KIDINS220: variants seen among roughly 807,000 people sequenced by gnomAD.
The protein encoded by KIDINS220 is kinase D-interacting substrate of 220 kDa.
In KIDINS220, 63 loss-of-function variants were observed where a neutral mutation model predicts 157.6. The ratio of observed to expected loss-of-function variants is 0.40; its 90% CI spans 0.33 to 0.49. The LOEUF is 0.49. Among genes scored for constraint, KIDINS220 ranks in the 20% least tolerant of loss-of-function variants. The pLI, the probability that KIDINS220 is intolerant of heterozygous loss-of-function variation, is 0.66. For missense variants in KIDINS220, 1,772 were observed against 2,171.2 expected (o/e 0.82, Z 3.65); for synonymous variants, 732 against 783.6 (o/e 0.93, Z 1.10).
intron 17 of KIDINS220, among the ~76,000 whole-genome samples, chr2:8,784,340 C>G (rs1214982172): frequency 3.9e-5 from 6 of 152,100 alleles, no homozygotes; most frequent in Non-Finnish European, 8.8e-5. Flanking sequence ...AGGATAAAAT[C>G]TAGGTGACCG....
rs780529331 is a variant in KIDINS220 at position 8,788,635 on chromosome 2, G to A, written c.1787+12C>T. ...TCATTGAAGATTTCTTCTGTCAAATGGTACAACTCACCTCACAGGTAAAGC... is the reference window on the plus strand; with the variant it reads ...TCATTGAAGATTTCTTCTGTCAAATAGTACAACTCACCTCACAGGTAAAGC... On this transcript the variant is annotated intron_variant, in intron 15 of 29. Transcript: ENST00000256707. 6.3e-7 allele frequency: 1 copy of A among 1,599,648 alleles called. No individual in the cohort carries two copies. Among genetic ancestry groups the A allele is most frequent in the South Asian group, 1.1e-5 (1 of 88,130 alleles).
chr2:8,787,066 T>C lies in KIDINS220; in HGVS notation c.1788-709A>G, dbSNP rs368857581. On this transcript the variant is annotated intron_variant, in intron 15 of 29. Transcript: ENST00000256707. ...TCTCAGAATACAATCTGTAATATACTGTGTGGTCTTGACGATGCTACTTTA... is the reference window on the plus strand; with the variant it reads ...TCTCAGAATACAATCTGTAATATACCGTGTGGTCTTGACGATGCTACTTTA... Among the ~76,000 whole-genome samples, 72 of 152,182 alleles carry C rather than the reference T, an allele frequency of 4.7e-4. 2 individuals carry two copies. In the South Asian group the frequency reaches 0.015, roughly 31 times the overall value.
chr2:8,773,456 A>G (rs532421287), intron 21 of KIDINS220, among the ~76,000 whole-genome samples: 1 of 150,436 alleles, frequency 6.6e-6, no homozygotes, highest in Admixed American at 6.6e-5. Flanking sequence ...AAAGTGAACT[A>G]CCCAGGGGCT....
At chr2:8,791,285 C>G in intron 12 of KIDINS220, 61 bp from the exon 13 acceptor site, 1 of 1,400,940 alleles carries the variant, frequency 7.1e-7, no homozygotes. Flanking sequence ...GAAATGAACA[C>G]TATTTTCATT....
Position 8,730,634 on chromosome 2 carries a change from A to C in KIDINS220, c.*86T>G, listed in dbSNP as rs2147939694. ...TTAGTTATCTGTCAGCAAAATGTAG[A>C]AAGGTGATGGGCGTGGATGGAGTCA... On this transcript the variant is annotated 3_prime_UTR_variant, in exon 30 of 30. Coordinates refer to ENST00000256707, the MANE Select transcript of KIDINS220 (RefSeq NM_020738.4). 1 of 1,494,508 alleles carries C rather than the reference A, an allele frequency of 6.7e-7. No homozygotes were observed. The highest frequency in any genetic ancestry group is 1.8e-4 in the Middle Eastern group (1 of 5,618). 92.6% of individuals were successfully genotyped at this position (1,494,508 alleles called of 1,614,324 possible). A position where few individuals can be genotyped will look rare whatever the true frequency, so the allele number is the denominator to read the frequency against.
Position 8,779,109 on chromosome 2 carries a change from T to C in KIDINS220, c.2401A>G (p.Ile801Val), listed in dbSNP as rs1468255671. 3.7e-6 allele frequency: 6 copies of C among 1,613,810 alleles called. No individual in the cohort carries two copies. Among genetic ancestry groups the C allele is most frequent in the Non-Finnish European group, 4.2e-6 (5 of 1,180,016 alleles). The stretch of plus-strand genomic sequence containing the variant: ...TGTGGATCACTTGCAAAAATGGCAA[T>C]GAACGGGCCTTTTGAAAACAGAACT... ...VRVLFSKGPF[I>V]AIFASDPHII... The change falls in exon 19 of 30, where the codon ATT becomes GTT. Residue 801 changes from isoleucine (I) to valine (V), a missense_variant. By Grantham distance (29) the Ile-to-Val change is conservative. Around this residue, in one of 3 missense-constraint regions of KIDINS220, gnomAD observed 725 missense variants for 1,017.1 expected, o/e 0.71. Transcript: ENST00000256707.
Position 8,791,223 on chromosome 2 carries a change from T to C in KIDINS220, c.1278A>G (p.Arg426=), listed in dbSNP as rs200221760. ...KSILTQIFGA[R]HLSPTETDGD... ...CGTCTGTTTCAGTAGGAGACAAGTG[T>C]CCTGTAATTAAAACACATCATATCT... The change falls in exon 13 of 30, where the codon AGA becomes AGG. Residue 426 remains arginine (R), a splice_region_variant and synonymous_variant. Transcript: ENST00000256707. 16 of 1,612,334 alleles carry C rather than the reference T, an allele frequency of 9.9e-6. No individual in the cohort carries two copies. Among genetic ancestry groups the C allele is most frequent in the Middle Eastern group, 1.6e-4 (1 of 6,082 alleles).
rs759040006 is a variant in KIDINS220, at chr2:8,737,010, C to G, written c.3586-11G>C. ...GGCTGGGCCTGACCCCTAGAGAAGT[C>G]AAGGAAAAATACAGGTATGAATAAG... On this transcript the variant is annotated splice_polypyrimidine_tract_variant and intron_variant, in intron 26 of 29. Transcript: ENST00000256707. 6.2e-7 allele frequency: 1 copy of G among 1,611,950 alleles called. No homozygotes were observed. Among genetic ancestry groups the G allele is most frequent in the South Asian group, 1.1e-5 (1 of 90,804 alleles).
chr2:8,727,279 G>A (rs1663415925), downstream of KIDINS220: 2 of 1,062,712 alleles, frequency 1.9e-6, no homozygotes, highest in Non-Finnish European at 1.1e-6. Flanking sequence ...TGGAAGAGAA[G>A]GTGGGAATAA....
At chr2:8,801,963 G>C (rs1223363937) in intron 8 of KIDINS220, among the ~76,000 whole-genome samples, 1 of 152,192 alleles carries the variant, frequency 6.6e-6, no homozygotes, top group Non-Finnish European at 1.5e-5. Flanking sequence ...TTCCCGAGGA[G>C]GAAACCTTGA....
At chr2:8,817,200 T>C (rs1037345559) in intron 4 of KIDINS220, among the ~76,000 whole-genome samples, 2 of 152,234 alleles carry the variant, frequency 1.3e-5, no homozygotes, top group Non-Finnish European at 2.9e-5. Flanking sequence ...ATAGCATGTC[T>C]GAAAATAATC....
At chr2:8,728,567 G>T (rs762784841), downstream of KIDINS220, among the ~76,000 whole-genome samples, 21 of 152,110 alleles carry the variant, frequency 1.4e-4, no homozygotes, top group Non-Finnish European at 2.5e-4. Flanking sequence ...TGTCAATTTC[G>T]GTATCAGTAT....
chr2:8,806,061 C>T (rs188777695), intron 7 of KIDINS220, among the ~76,000 whole-genome samples: 184 of 152,200 alleles, frequency 1.2e-3, no homozygotes, highest in South Asian at 5.8e-3. Context: ...GTTGTGTGTG[C>T]ATTAGCAACA....
At chr2:8,824,612 C>T (rs1047653365) in intron 2 of KIDINS220, among the ~76,000 whole-genome samples, 1 of 152,036 alleles carries the variant, frequency 6.6e-6, no homozygotes, top group African/African-American at 2.4e-5. Flanking sequence ...CCTGGGAGGT[C>T]GAGGCTGCAG....
intron 12 of KIDINS220, 109 bp downstream of exon 12, chr2:8,793,701 A>T: frequency 9.9e-7 from 1 of 1,010,974 alleles, no homozygotes; most frequent in Non-Finnish European, 1.4e-6. Context: ...GGCCTCCTCA[A>T]GTGCTGGGAT....
rs183360862 is a variant in KIDINS220 at position 8,731,833 on chromosome 2, G to A, written c.4203C>T (p.Pro1401=). The change falls in exon 30 of 30, where the codon CCC becomes CCT. Residue 1401 remains proline, a synonymous_variant. Transcript: ENST00000256707. The surrounding 1 kb of genome is among the most constrained non-coding windows in gnomAD (Gnocchi z 5.2). The part of the protein sequence containing the change: ...IAQMSQLEGG[P]GSTTISGRSS... ...ATCTGCCACTAATGGTTGTAGACCC[G>A]GGGCCCCCTTCTAACTGGGACATCT... 293 of 1,614,018 alleles carry A rather than the reference G, an allele frequency of 1.8e-4. 2 individuals carry two copies. The East Asian group carries it at 5.7e-3, about 32-fold the overall frequency.
intron 20 of KIDINS220, among the ~76,000 whole-genome samples, chr2:8,777,283 T>A (rs1206534684): frequency 6.6e-6 from 1 of 152,146 alleles, no homozygotes; most frequent in Non-Finnish European, 1.5e-5. Context: ...GTTTTAAGGA[T>A]TCAGCATTTT....
intron 22 of KIDINS220, among the ~76,000 whole-genome samples, chr2:8,761,156 C>T (rs1668696193): frequency 6.6e-6 from 1 of 152,128 alleles, no homozygotes; most frequent in Non-Finnish European, 1.5e-5. Flanking sequence ...TCATAAGTTG[C>T]TACCAAGTGA....
chr2:8,721,650 A>C (rs1431942602), downstream of KIDINS220: 1 of 152,236 alleles, frequency 6.6e-6, no homozygotes, highest in Non-Finnish European at 1.5e-5. Context: ...TATCTTGGAA[A>C]AATATGAGAA....
Sources: allele counts gnomAD v4.1 joint callset (sites outside exome capture counted in the v4.1 genomes callset), GRCh38; gene constraint gnomAD v4.1.1; regional missense constraint gnomAD v4.1.1; non-coding constraint Gnocchi (gnomAD v3.1); transcripts MANE v1.5; gene names NCBI Gene and HGNC (gene_info 2026-07-23, HGNC 2026-07-21).